The following DYNC1I1 variants were observed in gnomAD, a reference collection of about 807,000 sequenced individuals.
DYNC1I1 encodes cytoplasmic dynein 1 intermediate chain 1.
A neutral mutation model predicts 86.6 loss-of-function variants in DYNC1I1; 43 were observed. The observed-to-expected ratio is 0.50, with a 90% CI of 0.39 to 0.64. The LOEUF (loss-of-function observed/expected upper bound fraction) is 0.64. Among genes scored for constraint, DYNC1I1 ranks in the 30% least tolerant of loss-of-function variants. The pLI is 0.00. For missense variants in DYNC1I1, 604 were observed against 788.8 expected, an observed-to-expected ratio of 0.77 and a Z score of 2.81; for synonymous variants, 262 against 283.7, an observed-to-expected ratio of 0.92 and a Z score of 0.77.
intron 5 of DYNC1I1, among the ~76,000 whole-genome samples, chr7:95,852,628 T>A (rs1198439889): frequency 6.6e-6 from 1 of 152,092 alleles, no homozygotes; most frequent in East Asian, 1.9e-4. Flanking sequence ...TGCCTCAGCC[T>A]CCCGGGTAGC....
At position 95,913,197 on chromosome 7, in the gene DYNC1I1, CA is replaced by C. The variant is rs541757664; in HGVS notation, c.490+43200del. Among the ~76,000 whole-genome samples, 493 of 152,276 alleles carry C rather than the reference CA, an allele frequency of 3.2e-3. 3 individuals carry two copies. The highest frequency in any genetic ancestry group is 5.3e-3 in the Non-Finnish European group (361 of 68,026). The stretch of plus-strand genomic sequence containing the variant: ...GAAAAAACAGATGTTAATGTGTTTG[CA>C]TCTTCATATTCATATAGAAATATTA... On this transcript the variant is annotated intron_variant, in intron 6 of 16. Transcript: ENST00000447467.
rs996248596 is a variant in DYNC1I1 at position 95,977,964 on chromosome 7, C to G, written c.580+363C>G. On this transcript the variant is annotated intron_variant, in intron 7 of 16. Coordinates refer to ENST00000447467, the MANE Select transcript of DYNC1I1 (RefSeq NM_001135556.2). Reference sequence around the variant, plus strand: ...GATATAATTATTTTGTGAATAAATTCTAAAGTGTTTTCATGTGATCTACAT... The same window carrying G: ...GATATAATTATTTTGTGAATAAATTGTAAAGTGTTTTCATGTGATCTACAT... Among the ~76,000 whole-genome samples, 3 of 152,236 alleles carry G rather than the reference C, an allele frequency of 2.0e-5. No homozygotes were observed. In the East Asian group the frequency reaches 5.8e-4, roughly 29 times the overall value.
chr7:96,060,682 A>G (rs532744741), intron 14 of DYNC1I1, among the ~76,000 whole-genome samples: 1 of 151,944 alleles, frequency 6.6e-6, no homozygotes, highest in South Asian at 2.1e-4. Context: ...CAAATGCACC[A>G]CTCTGGTAGG....
At chr7:95,842,547 A>C (rs1789315637) in intron 5 of DYNC1I1, among the ~76,000 whole-genome samples, 1 of 152,156 alleles carries the variant, frequency 6.6e-6, no homozygotes, top group Admixed American at 6.6e-5. Context: ...GCTGGGAGTC[A>C]GCTTGCACAA....
At chr7:95,944,841 G>A (rs538417237) in intron 6 of DYNC1I1, among the ~76,000 whole-genome samples, 2 of 145,620 alleles carry the variant, frequency 1.4e-5, no homozygotes, top group South Asian at 2.3e-4. Flanking sequence ...CATGGACACC[G>A]GAAGGGGAAC....
chr7:95,854,195 GT>G (rs1315853771), intron 5 of DYNC1I1, among the ~76,000 whole-genome samples: 6 of 151,836 alleles, frequency 4.0e-5, no homozygotes, highest in Non-Finnish European at 8.8e-5. Context: ...TTTTTTACTT[GT>G]TTTGTAGACC....
chr7:95,977,406 C>T lies in DYNC1I1; in HGVS notation c.491-106C>T, dbSNP rs886221315. The T allele has an allele frequency of 3.4e-6, 3 of 887,468 alleles. No individual in the cohort carries two copies. In the African/African-American group the frequency reaches 5.1e-5, roughly 15 times the overall value. 55.0% of individuals were successfully genotyped at this position (887,468 alleles called of 1,614,324 possible). A position where few individuals can be genotyped will look rare whatever the true frequency, so the allele number is the denominator to read the frequency against. Reference sequence around the variant, plus strand: ...TGTGGACTGATTTACTTAGATGTTGCCCTAAATGATTGGAACTTTACCCTT... The same window carrying T: ...TGTGGACTGATTTACTTAGATGTTGTCCTAAATGATTGGAACTTTACCCTT... On this transcript the variant is annotated intron_variant, in intron 6 of 16. Transcript: ENST00000447467.
chr7:96,019,705 A>G (rs1794494362), intron 10 of DYNC1I1, among the ~76,000 whole-genome samples: 1 of 152,146 alleles, frequency 6.6e-6, no homozygotes, highest in Non-Finnish European at 1.5e-5. Context: ...ATAAGGACTT[A>G]AAATAGTTAA....
At chr7:95,978,716 A>G (rs368848277) in intron 7 of DYNC1I1, among the ~76,000 whole-genome samples, 6 of 152,218 alleles carry the variant, frequency 3.9e-5, no homozygotes, top group African/African-American at 1.4e-4. Context: ...TACTCACTTC[A>G]ACACCTTGTG....
chr7:95,920,823 G>T (rs1019565215), intron 6 of DYNC1I1, among the ~76,000 whole-genome samples: 5 of 152,136 alleles, frequency 3.3e-5, no homozygotes, highest in Non-Finnish European at 7.4e-5. Context: ...TGAATACCAT[G>T]GTTGCCTTTG....
chr7:96,019,891 A>G (rs1584255219), intron 10 of DYNC1I1, among the ~76,000 whole-genome samples: 1 of 152,092 alleles, frequency 6.6e-6, no homozygotes, highest in East Asian at 1.9e-4. Flanking sequence ...GGAGGTAGTA[A>G]TTTCTAATTC....
intron 16 of DYNC1I1, among the ~76,000 whole-genome samples, chr7:96,089,612 T>A (rs1041720968): frequency 6.6e-6 from 1 of 152,136 alleles, no homozygotes; most frequent in Non-Finnish European, 1.5e-5. Flanking sequence ...AAGTGAGCAG[T>A]TGGCCACTAG....
chr7:95,948,802 C>T (rs12155036), intron 6 of DYNC1I1, among the ~76,000 whole-genome samples: 21,854 of 151,996 alleles, frequency 0.14, 1,949 homozygotes, highest in Non-Finnish European at 0.2. Flanking sequence ...AACTGGAGCA[C>T]GTGGAATGAA....
intron 9 of DYNC1I1, among the ~76,000 whole-genome samples, chr7:95,995,601 C>A (rs753171407): frequency 3.1e-4 from 47 of 152,118 alleles, no homozygotes; most frequent in Admixed American, 1.8e-3. Context: ...GAAGGAGAAC[C>A]TGCAGGAACT....
intron 1 of DYNC1I1, among the ~76,000 whole-genome samples, chr7:95,788,694 T>G (rs558452224): frequency 6.6e-6 from 1 of 152,302 alleles, no homozygotes; most frequent in Non-Finnish European, 1.5e-5. Flanking sequence ...TTGTAATAGG[T>G]TTTGCAGTTG....
intron 6 of DYNC1I1, among the ~76,000 whole-genome samples, chr7:95,873,465 G>A (rs184004880): frequency 1.1e-3 from 165 of 152,276 alleles, no homozygotes; most frequent in Admixed American, 3.5e-3. Context: ...TAAGCATTTC[G>A]ACTCTTAATA....
intron 6 of DYNC1I1, among the ~76,000 whole-genome samples, chr7:95,904,363 C>T (rs1236819543): frequency 6.6e-6 from 1 of 152,076 alleles, no homozygotes; most frequent in Non-Finnish European, 1.5e-5. Context: ...AGGAGATGCA[C>T]CCTAGTAAGC....
At chr7:96,001,459 A>G (rs1794010385) in intron 10 of DYNC1I1, among the ~76,000 whole-genome samples, 1 of 152,234 alleles carries the variant, frequency 6.6e-6, no homozygotes, top group African/African-American at 2.4e-5. Context: ...TCAGGCTGCT[A>G]CAACAAAATA....
intron 4 of DYNC1I1, among the ~76,000 whole-genome samples, chr7:95,826,029 A>T (rs949882055): frequency 6.6e-6 from 1 of 152,214 alleles, no homozygotes; most frequent in Admixed American, 6.5e-5. Context: ...AAGTCAAGTC[A>T]TTGCTGCTCA....
Sources: allele counts gnomAD v4.1 joint callset (sites outside exome capture counted in the v4.1 genomes callset), GRCh38; gene constraint gnomAD v4.1.1; transcripts MANE v1.5; gene names NCBI Gene and HGNC (gene_info 2026-07-23, HGNC 2026-07-21).